SLC25A12: variants seen among roughly 807,000 people sequenced by gnomAD.
SLC25A12 encodes solute carrier family 25 member 12, also known as electrogenic aspartate/glutamate antiporter SLC25A12, mitochondrial.
SLC25A12 carries 32 observed loss-of-function variants against 83.3 expected under a neutral mutation model. That is an observed-to-expected ratio of 0.38 (90% confidence interval 0.29 to 0.52). The LOEUF (loss-of-function observed/expected upper bound fraction) is 0.52, where lower values mean the gene tolerates loss of function less well. SLC25A12 is among the 20% of genes least tolerant of loss of function. The probability of loss-of-function intolerance (pLI) is 0.84; values close to 1 mark genes in which losing one functional copy is unlikely to be tolerated. For missense variants in SLC25A12, 611 were observed against 835.6 expected, an observed-to-expected ratio of 0.73 and a Z score of 3.31; for synonymous variants, 267 against 291.1, an observed-to-expected ratio of 0.92 and a Z score of 0.84.
intron 3 of SLC25A12, among the ~76,000 whole-genome samples, chr2:171,857,166 G>T (rs1204042255): frequency 6.6e-6 from 1 of 151,990 alleles, no homozygotes; most frequent in Non-Finnish European, 1.5e-5. Context: ...AGGAGTTTAA[G>T]ACCAACCTGG....
chr2:171,857,459 C>T (rs1233909613), intron 3 of SLC25A12, among the ~76,000 whole-genome samples: 4 of 152,068 alleles, frequency 2.6e-5, no homozygotes, highest in Non-Finnish European at 5.9e-5. Flanking sequence ...CTGAGGCAGG[C>T]AGATCACTTG....
intron 4 of SLC25A12, among the ~76,000 whole-genome samples, chr2:171,850,402 G>A (rs1290591625): frequency 7.1e-6 from 1 of 140,370 alleles, no homozygotes; most frequent in East Asian, 2.1e-4. Flanking sequence ...CTGCAGTGCA[G>A]TGGCCTGATC....
At chr2:171,798,396 T>C (rs1363103512) in intron 13 of SLC25A12, among the ~76,000 whole-genome samples, 1 of 152,226 alleles carries the variant, frequency 6.6e-6, no homozygotes, top group Non-Finnish European at 1.5e-5. Context: ...TGCCAAGTCC[T>C]TTGTTTATTT....
chr2:171,877,907 C>CT (rs1685608155), intron 2 of SLC25A12, among the ~76,000 whole-genome samples: 1 of 152,052 alleles, frequency 6.6e-6, no homozygotes, highest in South Asian at 2.1e-4. Context: ...ATTCCAGAGA[C>CT]TATAAAGAAA....
intron 5 of SLC25A12, among the ~76,000 whole-genome samples, chr2:171,842,160 T>C (rs1684691490): frequency 6.6e-6 from 1 of 151,298 alleles, no homozygotes; most frequent in Non-Finnish European, 1.5e-5. Flanking sequence ...ATAGACAAAA[T>C]ATAACATATT....
At chr2:171,809,015 C>T (rs1683896875) in intron 13 of SLC25A12, among the ~76,000 whole-genome samples, 1 of 152,138 alleles carries the variant, frequency 6.6e-6, no homozygotes, top group African/African-American at 2.4e-5. Flanking sequence ...TCATCCATGT[C>T]CCTGCAAAGG....
At chr2:171,794,559 T>C (rs1683557667) in intron 13 of SLC25A12, among the ~76,000 whole-genome samples, 1 of 150,832 alleles carries the variant, frequency 6.6e-6, no homozygotes, top group Non-Finnish European at 1.5e-5. Context: ...AATGAGAGTA[T>C]ATTTGCATCT....
chr2:171,867,486 AGTCAGGTGT>A (rs568836839), intron 3 of SLC25A12, among the ~76,000 whole-genome samples: 400 of 152,272 alleles, frequency 2.6e-3, no homozygotes, highest in Admixed American at 5.1e-3. Flanking sequence ...TACGAAAACC[AGTCAGGTGT>A]GGCGGCGTGC....
At chr2:171,815,453 A>G (rs113741714) in intron 9 of SLC25A12, among the ~76,000 whole-genome samples, 25 of 152,320 alleles carry the variant, frequency 1.6e-4, no homozygotes, top group African/African-American at 5.3e-4. Flanking sequence ...GTAGCTTCCC[A>G]CTTACCCCAA....
intron 13 of SLC25A12, among the ~76,000 whole-genome samples, chr2:171,800,207 T>A (rs1443973290): frequency 6.6e-6 from 1 of 151,762 alleles, no homozygotes; most frequent in Non-Finnish European, 1.5e-5. Context: ...GGCAAAAAAA[T>A]ATCCACAACA....
At chr2:171,867,790 T>G (rs563345774) in intron 3 of SLC25A12, among the ~76,000 whole-genome samples, 2 of 152,348 alleles carry the variant, frequency 1.3e-5, no homozygotes, top group Non-Finnish European at 2.9e-5. Flanking sequence ...TTTTTAACAT[T>G]GGATTAATAT....
chr2:171,871,335 C>T (rs539609464), intron 2 of SLC25A12, among the ~76,000 whole-genome samples: 2 of 152,306 alleles, frequency 1.3e-5, no homozygotes, highest in East Asian at 1.9e-4. Flanking sequence ...GATGCCAAGG[C>T]GGCCAGATCA....
intron 9 of SLC25A12, among the ~76,000 whole-genome samples, chr2:171,817,120 C>T (rs1310094882): frequency 1.3e-5 from 2 of 152,142 alleles, no homozygotes; most frequent in African/African-American, 2.4e-5. Flanking sequence ...GTAACTGAAT[C>T]GGCCAGCACC....
At chr2:171,798,264 T>C (rs1683639302) in intron 13 of SLC25A12, among the ~76,000 whole-genome samples, 1 of 152,218 alleles carries the variant, frequency 6.6e-6, no homozygotes, top group Non-Finnish European at 1.5e-5. Flanking sequence ...GATGTCACCA[T>C]GCCTCCACAG....
At chr2:171,823,944 A>T (rs1394583060) in intron 9 of SLC25A12, among the ~76,000 whole-genome samples, 1 of 982 alleles carries the variant, frequency 1.0e-3, no homozygotes. Flanking sequence ...CTGTCTCCAC[A>T]AAAAAAAAAA....
At chr2:171,811,258 C>G (rs1360326044) in intron 11 of SLC25A12, among the ~76,000 whole-genome samples, 1 of 152,294 alleles carries the variant, frequency 6.6e-6, no homozygotes, top group African/African-American at 2.4e-5. Context: ...AGTAATCATA[C>G]ATATAGGCTA....
chr2:171,880,990 T>C (rs1373600681), intron 2 of SLC25A12, among the ~76,000 whole-genome samples: 2 of 152,242 alleles, frequency 1.3e-5, no homozygotes, highest in East Asian at 3.8e-4. Context: ...AAAATGGGAA[T>C]ACTAATCGTT....
chr2:171,875,309 AC>A (rs1216600136), intron 2 of SLC25A12, among the ~76,000 whole-genome samples: 1 of 152,170 alleles, frequency 6.6e-6, no homozygotes, highest in Non-Finnish European at 1.5e-5. Context: ...TGTGGAGTGT[AC>A]TTTCATTTTC....
intron 2 of SLC25A12, among the ~76,000 whole-genome samples, chr2:171,888,280 G>A (rs937991904): frequency 4.6e-5 from 7 of 151,116 alleles, no homozygotes; most frequent in African/African-American, 1.5e-4. Context: ...ACATATATTT[G>A]TAGCCATGGA....
Sources: gnomAD v4.1 joint callset for allele counts (sites outside exome capture counted in the v4.1 genomes callset) on GRCh38, gnomAD v4.1.1 for gene constraint, MANE v1.5 for transcripts, NCBI Gene and HGNC (gene_info 2026-07-23, HGNC 2026-07-21) for gene names.